CACHD1: variants seen among roughly 807,000 people sequenced by gnomAD.
CACHD1 encodes cache domain containing 1.
In CACHD1, 71 loss-of-function variants were observed where a neutral mutation model predicts 138.7. That is an observed-to-expected ratio of 0.51 (90% CI 0.42 to 0.62). The LOEUF (loss-of-function observed/expected upper bound fraction) is 0.62, where lower values mean the gene tolerates loss of function less well. Ranked by LOEUF, CACHD1 falls within the 20% of genes least tolerant of loss-of-function variation. The probability of loss-of-function intolerance (pLI) is 0.00; values close to 1 mark genes in which losing one functional copy is unlikely to be tolerated. For synonymous variants in CACHD1, 578 were observed against 591.5 expected (o/e 0.98, Z 0.33); for missense variants, 1,389 against 1,625.3 (o/e 0.85, Z 2.50).
At chr1:64,636,488 G>A (rs886684242) in intron 7 of CACHD1, among the ~76,000 whole-genome samples, 1 of 152,222 alleles carries the variant, frequency 6.6e-6, no homozygotes, top group Non-Finnish European at 1.5e-5. Context: ...TGGGACTACC[G>A]TTCATTCAGA....
At chr1:64,646,743 G>T (rs1648917993) in intron 8 of CACHD1, among the ~76,000 whole-genome samples, 1 of 152,048 alleles carries the variant, frequency 6.6e-6, no homozygotes, top group Non-Finnish European at 1.5e-5. Context: ...AAAAGGTGGG[G>T]GGTGGGAGAA....
At chr1:64,597,911 C>T (rs146453960) in intron 3 of CACHD1, among the ~76,000 whole-genome samples, 1 of 152,150 alleles carries the variant, frequency 6.6e-6, no homozygotes, top group East Asian at 1.9e-4. Context: ...ATAAAGTGTC[C>T]TAAGTATGAG....
intron 9 of CACHD1, among the ~76,000 whole-genome samples, chr1:64,650,433 A>T (rs911975155): frequency 6.6e-6 from 1 of 152,146 alleles, no homozygotes; most frequent in Non-Finnish European, 1.5e-5. Context: ...ACCTGGGAAA[A>T]ACCTTCTCCA....
At chr1:64,673,294 C>T in intron 18 of CACHD1, 37 bp downstream of exon 18, 1 of 1,611,558 alleles carries the variant, frequency 6.2e-7, no homozygotes, top group Non-Finnish European at 8.5e-7. Context: ...AGTTCTCCAA[C>T]CTCCTGCAGC....
At chr1:64,572,931 T>C (rs1646937691) in intron 2 of CACHD1, among the ~76,000 whole-genome samples, 1 of 152,200 alleles carries the variant, frequency 6.6e-6, no homozygotes, top group Non-Finnish European at 1.5e-5. Context: ...CTCCAGGTCT[T>C]CATCTATCTT....
chr1:64,668,503 G>A (rs1283265993), intron 16 of CACHD1, among the ~76,000 whole-genome samples: 1 of 152,162 alleles, frequency 6.6e-6, no homozygotes, highest in South Asian at 2.1e-4. Flanking sequence ...GGGCAACAGA[G>A]TGAGGCTCTG....
chr1:64,613,261 A>T (rs547160466), intron 4 of CACHD1, among the ~76,000 whole-genome samples: 2 of 152,368 alleles, frequency 1.3e-5, no homozygotes, highest in Non-Finnish European at 2.9e-5. Flanking sequence ...CCTAGTGAAG[A>T]TGCTGTGAAC....
chr1:64,543,889 T>TTTG, intron 1 of CACHD1, among the ~76,000 whole-genome samples: 1 of 138,838 alleles, frequency 7.2e-6, no homozygotes, highest in Non-Finnish European at 1.5e-5. Context: ...TTTTTTTTTT[T>TTTG]GGTAGAAACA....
chr1:64,664,932 G>A (rs1337735381), intron 15 of CACHD1, among the ~76,000 whole-genome samples: 1 of 152,090 alleles, frequency 6.6e-6, no homozygotes, highest in Admixed American at 6.6e-5. Context: ...TTAATTCCTA[G>A]TGGTTTGTTT....
chr1:64,591,993 CTTTGT>C (rs1647110361), intron 3 of CACHD1, among the ~76,000 whole-genome samples: 1 of 152,150 alleles, frequency 6.6e-6, no homozygotes, highest in Admixed American at 6.5e-5. Context: ...GCAAAACTGA[CTTTGT>C]TTTTAGTGTT....
chr1:64,608,099 C>G lies in CACHD1; in HGVS notation c.517+5187C>G, dbSNP rs529505658. Among the ~76,000 whole-genome samples, 5 of 152,244 alleles carry G rather than the reference C, an allele frequency of 3.3e-5. No homozygotes were observed. The South Asian group carries it at 1.0e-3, about 32-fold the overall frequency. ...TTTTTATATTTCTGTGAGCATGTCT[C>G]AAGTATAACCTACTACATAACAAGA... On this transcript the variant is annotated intron_variant, in intron 4 of 26. Coordinates refer to ENST00000651257, the MANE Select transcript of CACHD1 (RefSeq NM_020925.4).
intron 1 of CACHD1, among the ~76,000 whole-genome samples, chr1:64,525,922 TA>T (rs1208150740): frequency 1.3e-5 from 2 of 152,258 alleles, no homozygotes; most frequent in Non-Finnish European, 2.9e-5. Context: ...GTGCTTACTT[TA>T]AAAATTATTA....
At chr1:64,641,601 C>G (rs964844888) in intron 7 of CACHD1, among the ~76,000 whole-genome samples, 2 of 152,106 alleles carry the variant, frequency 1.3e-5, no homozygotes, top group African/African-American at 4.8e-5. Context: ...ATCTCCTTAC[C>G]TGATGCTGCA....
chr1:64,640,220 C>T (rs756226052), intron 7 of CACHD1, among the ~76,000 whole-genome samples: 1 of 152,218 alleles, frequency 6.6e-6, no homozygotes, highest in Non-Finnish European at 1.5e-5. Context: ...GAATGAATGT[C>T]AAGACATGGA....
chr1:64,685,782 GAGCCATGTT>G (rs964689264), intron 26 of CACHD1, among the ~76,000 whole-genome samples: 4 of 151,372 alleles, frequency 2.6e-5, no homozygotes, highest in African/African-American at 9.7e-5. Context: ...AGGTTGCAGT[GAGCCATGTT>G]AGCACCACTG....
At chr1:64,581,939 A>C (rs115056137) in intron 2 of CACHD1, among the ~76,000 whole-genome samples, 18 of 152,282 alleles carry the variant, frequency 1.2e-4, no homozygotes, top group Non-Finnish European at 2.4e-4. Flanking sequence ...AAGAAGATAT[A>C]ATTTTACTGT....
chr1:64,655,560 G>C (rs1294401622), intron 12 of CACHD1, among the ~76,000 whole-genome samples: 1 of 152,060 alleles, frequency 6.6e-6, no homozygotes, highest in Non-Finnish European at 1.5e-5. Flanking sequence ...ATTAGAAATT[G>C]GATTATTCAT....
Position 64,645,712 on chromosome 1 carries a change from G to A in CACHD1, c.1157-2089G>A, listed in dbSNP as rs11208488. ...GGAAGGTTGTTGGCTTTTTGTGGCT[G>A]CCAGCCCCCGTGCATGCTCAGTGAA... is the stretch of plus-strand genomic sequence containing the variant. On this transcript the variant is annotated intron_variant, in intron 8 of 26. Transcript: ENST00000651257. 2.1e-3 allele frequency among the ~76,000 whole-genome samples: 316 copies of A among 152,232 alleles called. 1 individual carries two copies. Among genetic ancestry groups the A allele is most frequent in the African/African-American group, 7.1e-3 (295 of 41,540 alleles).
intron 2 of CACHD1, among the ~76,000 whole-genome samples, chr1:64,552,503 T>C (rs1170999778): frequency 6.7e-6 from 1 of 149,888 alleles, no homozygotes. Context: ...AGGATCTTGC[T>C]CTGTCGCCCA....
Sources: allele counts gnomAD v4.1 joint callset (sites outside exome capture counted in the v4.1 genomes callset), GRCh38; gene constraint gnomAD v4.1.1; transcripts MANE v1.5; gene names NCBI Gene and HGNC (gene_info 2026-07-23, HGNC 2026-07-21).